The following ACTA2 variants were observed in gnomAD, a reference collection of about 807,000 sequenced individuals.
The protein encoded by ACTA2 is actin, aortic smooth muscle.
In ACTA2, 12 loss-of-function variants were observed where a neutral mutation model predicts 39.5. The ratio of observed to expected loss-of-function variants is 0.30; its 90% CI spans 0.19 to 0.49. ACTA2 has a LOEUF of 0.49. Ranked by LOEUF, ACTA2 falls within the 20% of genes least tolerant of loss-of-function variation. ACTA2 has a pLI of 0.99. For missense variants in ACTA2, 236 were observed against 498.8 expected, an observed-to-expected ratio of 0.47 and a Z score of 5.02; for synonymous variants, 158 against 180.6, an observed-to-expected ratio of 0.88 and a Z score of 1.00.
intron 1 of ACTA2, among the ~76,000 whole-genome samples, chr10:88,964,491 G>A (rs895711688): frequency 1.1e-4 from 16 of 152,282 alleles, no homozygotes; most frequent in South Asian, 2.1e-4. Flanking sequence ...ATATAGTAAA[G>A]TCTGTTATGT....
intron 1 of ACTA2, among the ~76,000 whole-genome samples, chr10:88,967,505 C>T (rs914787120): frequency 6.6e-6 from 1 of 152,166 alleles, no homozygotes; most frequent in African/African-American, 2.4e-5. Flanking sequence ...TTTCAATATT[C>T]TATTCCTCAG....
At chr10:88,963,944 C>T (rs543184648) in intron 1 of ACTA2, among the ~76,000 whole-genome samples, 4 of 152,246 alleles carry the variant, frequency 2.6e-5, no homozygotes, top group African/African-American at 9.6e-5. Flanking sequence ...AAGGCTCTTT[C>T]CTACTTTGGC....
At chr10:88,942,061 C>T (rs1021154735) in intron 4 of ACTA2, among the ~76,000 whole-genome samples, 192 bp from the exon 5 acceptor site, 1 of 152,134 alleles carries the variant, frequency 6.6e-6, no homozygotes, top group African/African-American at 2.4e-5. Flanking sequence ...GGAGCCATCA[C>T]ATCAATGGCC....
chr10:88,936,388 C>A (rs1477363510), intron 8 of ACTA2, among the ~76,000 whole-genome samples: 5 of 152,154 alleles, frequency 3.3e-5, no homozygotes, highest in African/African-American at 1.2e-4. Flanking sequence ...GATATCTCCT[C>A]CAAATCTCAT....
At chr10:88,950,297 T>C (rs906484926) in intron 1 of ACTA2, among the ~76,000 whole-genome samples, 2 of 152,178 alleles carry the variant, frequency 1.3e-5, no homozygotes, top group African/African-American at 4.8e-5. Context: ...GGATTTCAAA[T>C]TGAGAAAATT....
intron 1 of ACTA2, among the ~76,000 whole-genome samples, chr10:88,986,838 A>G (rs1846906865): frequency 6.6e-6 from 1 of 152,208 alleles, no homozygotes; most frequent in African/African-American, 2.4e-5. Flanking sequence ...TTTCATCTGA[A>G]CTGTGACCCC....
intron 1 of ACTA2, among the ~76,000 whole-genome samples, chr10:88,949,845 G>T (rs1846018711): frequency 6.6e-6 from 1 of 152,082 alleles, no homozygotes; most frequent in Admixed American, 6.5e-5. Flanking sequence ...TTATGAAGTG[G>T]TGGGTTTTAT....
intron 1 of ACTA2, chr10:88,973,187 GA>G: frequency 6.2e-7 from 1 of 1,611,922 alleles, no homozygotes. Flanking sequence ...TATAGATTCA[GA>G]AATTCCTTTC....
chr10:88,988,425 T>G (rs1236373703), intron 1 of ACTA2, among the ~76,000 whole-genome samples: 2 of 8,792 alleles, frequency 2.3e-4, no homozygotes, highest in Non-Finnish European at 3.6e-4. Context: ...AGTTTTTTTT[T>G]TTTTTTGTTT....
intron 8 of ACTA2, among the ~76,000 whole-genome samples, chr10:88,937,383 A>G (rs1342070532): frequency 1.3e-5 from 2 of 152,186 alleles, no homozygotes; most frequent in Non-Finnish European, 2.9e-5. Flanking sequence ...AGAGAGTGAT[A>G]ATAACCTTTG....
chr10:88,955,059 A>G (rs1409996877), upstream of ACTA2, among the ~76,000 whole-genome samples: 2 of 151,916 alleles, frequency 1.3e-5, no homozygotes, highest in Non-Finnish European at 2.9e-5. Flanking sequence ...AAAGAAAAAC[A>G]GTAGTGTCGG....
At chr10:88,960,285 A>G (rs943296445) in intron 1 of ACTA2, among the ~76,000 whole-genome samples, 3 of 152,200 alleles carry the variant, frequency 2.0e-5, no homozygotes, top group African/African-American at 7.2e-5. Context: ...CAGCTGAAGG[A>G]GGCAGAACCA....
chr10:88,944,259 T>C (rs1359771585), intron 3 of ACTA2, among the ~76,000 whole-genome samples: 1 of 152,148 alleles, frequency 6.6e-6, no homozygotes, highest in Non-Finnish European at 1.5e-5. Flanking sequence ...CTTCTCAGCT[T>C]CAGTCTCATG....
rs776573747 is a variant in ACTA2, at chr10:88,941,487, G to A, written c.455-97C>T. The A allele has an allele frequency of 1.7e-5, 25 of 1,492,524 alleles. 1 individual carries two copies. The highest frequency in any genetic ancestry group is 9.2e-5 in the South Asian group (8 of 87,386). 92.5% of individuals were successfully genotyped at this position (1,492,524 alleles called of 1,614,324 possible). On this transcript the variant is annotated intron_variant, in intron 5 of 8. Transcript: ENST00000224784. The stretch of plus-strand genomic sequence containing the variant: ...AAGCCTTGGGGGAGAGGGAATTTCC[G>A]AGCCTCTTATTTAAAAAGAGAAAAC...
intron 1 of ACTA2, among the ~76,000 whole-genome samples, chr10:88,970,229 G>A (rs1846402764): frequency 6.6e-6 from 1 of 152,078 alleles, no homozygotes. Flanking sequence ...CCCTGTTTAA[G>A]GAGGTCTTTG....
upstream of ACTA2, among the ~76,000 whole-genome samples, chr10:88,956,057 C>G (rs968250085): frequency 2.0e-5 from 3 of 152,150 alleles, no homozygotes; most frequent in African/African-American, 7.2e-5. Flanking sequence ...GTCGGATGCT[C>G]CATAATGAGG....
intron 1 of ACTA2, among the ~76,000 whole-genome samples, chr10:88,988,431 TG>T (rs779787612): frequency 0.52 from 54,333 of 104,600 alleles, 11,990 homozygotes; most frequent in East Asian, 0.65. Context: ...TTTTTTTTTT[TG>T]TTTTGTTTTT....
chr10:88,983,998 C>T (rs976914207), intron 1 of ACTA2, among the ~76,000 whole-genome samples: 14 of 152,096 alleles, frequency 9.2e-5, no homozygotes, highest in Non-Finnish European at 2.1e-4. Flanking sequence ...TAGATGCATG[C>T]AGGTTTGTGT....
At chr10:88,941,098 C>G in intron 6 of ACTA2, 131 bp downstream of exon 6, 3 of 1,110,608 alleles carry the variant, frequency 2.7e-6, no homozygotes, top group Admixed American at 1.9e-5. Flanking sequence ...GTGCTTTGCT[C>G]TGTGCATTAG....
Sources: allele counts gnomAD v4.1 joint callset (sites outside exome capture counted in the v4.1 genomes callset), GRCh38; gene constraint gnomAD v4.1.1; transcripts MANE v1.5; gene names NCBI Gene and HGNC (gene_info 2026-07-23, HGNC 2026-07-21).